PTGR1: variants seen among roughly 807,000 people sequenced by gnomAD.
The protein encoded by PTGR1 is prostaglandin reductase 1.
In PTGR1, 23 loss-of-function variants were observed where a neutral mutation model predicts 37.7. That is an observed-to-expected ratio of 0.61 (90% confidence interval 0.44 to 0.86). The LOEUF is 0.86. PTGR1 is among the 40% of genes least tolerant of loss of function. The pLI, the probability that PTGR1 is intolerant of heterozygous loss-of-function variation, is 0.00. For synonymous variants in PTGR1, 134 were observed against 140.0 expected (o/e 0.96, Z 0.30); for missense variants, 351 against 394.3 (o/e 0.89, Z 0.93).
intron 7 of PTGR1, chr9:111,577,193 A>G (rs1272090336): frequency 6.6e-6 from 1 of 152,244 alleles, no homozygotes; most frequent in East Asian, 1.9e-4. Flanking sequence ...TGGCAAATAC[A>G]TACGTTGAAA....
downstream of PTGR1, among the ~76,000 whole-genome samples, chr9:111,559,613 T>C (rs780409337): frequency 2.0e-5 from 3 of 150,906 alleles, no homozygotes; most frequent in Non-Finnish European, 4.4e-5. Context: ...CACACACATA[T>C]ACAACATACA....
intron 5 of PTGR1, among the ~76,000 whole-genome samples, chr9:111,584,552 A>G (rs1829375644): frequency 6.6e-6 from 1 of 152,090 alleles, no homozygotes. Flanking sequence ...GTTTTTGTTT[A>G]GAGGTGACCA....
At chr9:111,559,947 C>T (rs1173003247), downstream of PTGR1, among the ~76,000 whole-genome samples, 2 of 152,314 alleles carry the variant, frequency 1.3e-5, no homozygotes, top group African/African-American at 2.4e-5. Flanking sequence ...TACAGACACT[C>T]TTCTCCCCAT....
chr9:111,589,473 T>C (rs1163120554), intron 4 of PTGR1: 1 of 592,224 alleles, frequency 1.7e-6, no homozygotes, highest in Non-Finnish European at 2.1e-6. Context: ...CCCAGGCTGG[T>C]CTTGAACTCC....
At chr9:111,553,069 T>C (rs1241177566) in intron 9 of PTGR1, among the ~76,000 whole-genome samples, 1 of 152,228 alleles carries the variant, frequency 6.6e-6, no homozygotes, top group Non-Finnish European at 1.5e-5. Context: ...GAAATTTCAC[T>C]CGCAGTTCAT....
intron 9 of PTGR1, among the ~76,000 whole-genome samples, chr9:111,554,949 G>A (rs1181575032): frequency 1.3e-5 from 2 of 152,120 alleles, no homozygotes; most frequent in African/African-American, 4.8e-5. Flanking sequence ...GTCAGTGCCT[G>A]TTAATTTTTC....
chr9:111,558,699 T>A (rs1828192653), downstream of PTGR1, among the ~76,000 whole-genome samples: 1 of 152,184 alleles, frequency 6.6e-6, no homozygotes, highest in Admixed American at 6.5e-5. Flanking sequence ...GTTATATATA[T>A]ATGTGCACAC....
At chr9:111,582,506 T>C (rs1293853035) in intron 6 of PTGR1, among the ~76,000 whole-genome samples, 1 of 144,004 alleles carries the variant, frequency 6.9e-6, no homozygotes, top group Admixed American at 6.8e-5. Flanking sequence ...TTAAATGTTA[T>C]CAAGTCAATT....
intron 4 of PTGR1, among the ~76,000 whole-genome samples, chr9:111,591,236 G>A (rs1829606430): frequency 6.6e-6 from 1 of 151,664 alleles, no homozygotes; most frequent in Non-Finnish European, 1.5e-5. Context: ...GGTAGAGGTT[G>A]CGGTGAGCCA....
intron 7 of PTGR1, chr9:111,576,475 T>G: frequency 6.2e-7 from 1 of 1,609,036 alleles, no homozygotes. Flanking sequence ...ATGGGGCCAC[T>G]GCAGTGCAGT....
At chr9:111,597,547 T>C (rs1829819848) in intron 1 of PTGR1, 115 bp from the exon 2 acceptor site, 1 of 636,396 alleles carries the variant, frequency 1.6e-6, no homozygotes, top group East Asian at 2.7e-5. Flanking sequence ...ATCCCATCAT[T>C]ATCATATCAT....
downstream of PTGR1, among the ~76,000 whole-genome samples, chr9:111,558,518 G>T (rs1828187527): frequency 1.3e-5 from 2 of 152,128 alleles, no homozygotes; most frequent in African/African-American, 2.4e-5. Flanking sequence ...CTTAAAAAAA[G>T]AAAACTGAAA....
At chr9:111,554,974 T>C (rs1474084090) in intron 9 of PTGR1, among the ~76,000 whole-genome samples, 1 of 152,154 alleles carries the variant, frequency 6.6e-6, no homozygotes, top group Non-Finnish European at 1.5e-5. Flanking sequence ...AGAAGTGTAA[T>C]TTCTCCAGAG....
intron 5 of PTGR1, among the ~76,000 whole-genome samples, chr9:111,584,351 G>T (rs970280721): frequency 6.6e-6 from 1 of 152,210 alleles, no homozygotes; most frequent in African/African-American, 2.4e-5. Context: ...GAATAGAGAG[G>T]AAGAGCTCTC....
downstream of PTGR1, among the ~76,000 whole-genome samples, chr9:111,561,154 A>AGAGG (rs1564608154): frequency 8.3e-4 from 81 of 97,248 alleles, 2 homozygotes; most frequent in Non-Finnish European, 1.1e-3. Context: ...AGAGGGAGAG[A>AGAGG]GAGAGAGAGA....
downstream of PTGR1, among the ~76,000 whole-genome samples, chr9:111,561,088 TATATATATATATATATATATATAG>T (rs1828285642): frequency 1.1e-4 from 2 of 17,954 alleles, no homozygotes; most frequent in Non-Finnish European, 2.0e-4. Context: ...ATCTAAAATA[TATATATATATATATATATATATAG>T]AGAGAGAGAG....
At chr9:111,571,014 G>GTAGCTGGGACTATAGGTGCATGCCACCA (rs1176703185) in intron 8 of PTGR1, among the ~76,000 whole-genome samples, 4 of 150,952 alleles carry the variant, frequency 2.6e-5, no homozygotes, top group Admixed American at 1.3e-4. Flanking sequence ...AATACAGGCA[G>GTAGCTGGGACTATAGGTGCATGCCACCA]CTGCTAGAAG....
intron 6 of PTGR1, among the ~76,000 whole-genome samples, chr9:111,582,773 C>T (rs558108479): frequency 3.9e-5 from 6 of 152,230 alleles, no homozygotes; most frequent in Admixed American, 2.6e-4. Context: ...AACCCTTGGC[C>T]GTTGGTTGTA....
intron 7 of PTGR1, among the ~76,000 whole-genome samples, 187 bp from the exon 8 acceptor site, chr9:111,575,029 G>A (rs572396646): frequency 2.0e-5 from 3 of 152,158 alleles, no homozygotes; most frequent in African/African-American, 4.8e-5. Flanking sequence ...GGCCGGGCAC[G>A]GTGGCTTACA....
Sources: allele counts gnomAD v4.1 joint callset (sites outside exome capture counted in the v4.1 genomes callset), GRCh38; gene constraint gnomAD v4.1.1; transcripts MANE v1.5; gene names NCBI Gene and HGNC (gene_info 2026-07-23, HGNC 2026-07-21).